The following SPAG16 variants were observed in gnomAD, a reference collection of about 807,000 sequenced individuals.
SPAG16 encodes the protein sperm associated antigen 16.
A neutral mutation model predicts 80.4 loss-of-function variants in SPAG16; 86 were observed. The observed-to-expected ratio is 1.07, with a 90% CI of 0.90 to 1.28. The LOEUF is 1.28. Ranked by LOEUF, SPAG16 falls within the 50% of genes most tolerant of loss-of-function variation. The pLI is 0.00. For missense variants in SPAG16, 870 were observed against 765.3 expected (o/e 1.14, Z -1.61); for synonymous variants, 294 against 265.9 (o/e 1.11, Z -1.03).
rs560709325 is a variant in SPAG16 at position 213,318,975 on chromosome 2, A to G, written c.536+1619A>G. On this transcript the variant is annotated intron_variant, in intron 5 of 15. Transcript: ENST00000331683. ...CTCCACACCTTTCTTTCTTTCTGCA[A>G]TTAATGGAAGACATGCAATTCCTGG... is the stretch of plus-strand genomic sequence containing the variant. 6.6e-5 allele frequency among the ~76,000 whole-genome samples: 10 copies of G among 152,066 alleles called. No homozygotes were observed. In the South Asian group the frequency reaches 2.1e-3, roughly 32 times the overall value.
chr2:213,650,391 A>T (rs2062977517), intron 10 of SPAG16, among the ~76,000 whole-genome samples: 2 of 152,206 alleles, frequency 1.3e-5, no homozygotes. Flanking sequence ...CTTAGTCTTC[A>T]TTCTAACGGT....
At chr2:213,786,253 GC>G (rs1443898681) in intron 10 of SPAG16, among the ~76,000 whole-genome samples, 1 of 152,110 alleles carries the variant, frequency 6.6e-6, no homozygotes, top group African/African-American at 2.4e-5. Context: ...GTAAAAGAAT[GC>G]TAAGAACTAT....
chr2:213,346,395 C>T (rs1026484770), intron 6 of SPAG16, among the ~76,000 whole-genome samples: 1 of 152,156 alleles, frequency 6.6e-6, no homozygotes, highest in African/African-American at 2.4e-5. Context: ...CCTGATTGCC[C>T]TGGCCAGAAC....
intron 15 of SPAG16, among the ~76,000 whole-genome samples, chr2:214,172,252 T>C (rs1286432311): frequency 6.6e-6 from 1 of 151,860 alleles, no homozygotes; most frequent in Non-Finnish European, 1.5e-5. Context: ...CCACTTCCCC[T>C]ACCCCACAAC....
chr2:213,449,331 C>A (rs529789997), intron 9 of SPAG16, among the ~76,000 whole-genome samples: 1 of 152,108 alleles, frequency 6.6e-6, no homozygotes, highest in Non-Finnish European at 1.5e-5. Flanking sequence ...CTGCTTTTTC[C>A]CTTTGTCCTG....
intron 10 of SPAG16, among the ~76,000 whole-genome samples, chr2:213,497,877 C>T (rs1278798596): frequency 6.6e-6 from 1 of 152,014 alleles, no homozygotes; most frequent in Non-Finnish European, 1.5e-5. Flanking sequence ...ACTGACAATA[C>T]ATTAAGAATA....
chr2:214,242,356 G>C (rs1376541535), intron 15 of SPAG16, among the ~76,000 whole-genome samples: 1 of 152,120 alleles, frequency 6.6e-6, no homozygotes, highest in Non-Finnish European at 1.5e-5. Flanking sequence ...AGATGGCCCA[G>C]TACAGTTTTT....
intron 15 of SPAG16, among the ~76,000 whole-genome samples, chr2:214,366,476 G>T (rs1454718390): frequency 2.0e-5 from 3 of 152,158 alleles, no homozygotes; most frequent in East Asian, 1.9e-4. Context: ...ACTCAACGCA[G>T]TGTAAAGTGA....
At chr2:213,557,029 A>C (rs1486068097) in intron 10 of SPAG16, among the ~76,000 whole-genome samples, 1 of 152,190 alleles carries the variant, frequency 6.6e-6, no homozygotes, top group Non-Finnish European at 1.5e-5. Flanking sequence ...AAGACTAAGC[A>C]TCATGCTTGG....
chr2:214,298,131 C>CCT (rs1553548659), intron 15 of SPAG16, among the ~76,000 whole-genome samples: 3 of 144,372 alleles, frequency 2.1e-5, no homozygotes, highest in African/African-American at 7.6e-5. Flanking sequence ...CACACACACA[C>CCT]ACATACACAT....
rs138725385 is a variant in SPAG16 at position 213,284,527 on chromosome 2, T to C, written c.44T>C (p.Leu15Pro). 41 of 1,596,250 alleles carry C rather than the reference T, an allele frequency of 2.6e-5. No individual in the cohort carries two copies. The highest frequency in any genetic ancestry group is 3.2e-5 in the Non-Finnish European group (38 of 1,171,854). ...ATGCCCAGCTCCGCCGTGAGGGTCC[T>C]GGAAGAGGCGTTGGGCATGGGTTTG... ...RGMPSSAVRVLEEALGMGLTA... is the reference protein window; with the variant it reads ...RGMPSSAVRVPEEALGMGLTA... The change falls in exon 1 of 16, where the codon CTG (leucine) becomes CCG (proline). Residue 15 changes from leucine (L) to proline (P), a missense_variant. Physicochemically the swap from Leu to Pro is moderately conservative, Grantham distance 98 (BLOSUM62 -3). Transcript: ENST00000331683.
At chr2:213,528,477 A>G (rs991459821) in intron 10 of SPAG16, among the ~76,000 whole-genome samples, 2 of 152,150 alleles carry the variant, frequency 1.3e-5, no homozygotes, top group African/African-American at 4.8e-5. Flanking sequence ...TGTGTGTTCT[A>G]TCTTTCATAC....
At chr2:213,618,382 T>G (rs1052757290) in intron 10 of SPAG16, among the ~76,000 whole-genome samples, 3 of 152,240 alleles carry the variant, frequency 2.0e-5, no homozygotes, top group African/African-American at 7.2e-5. Context: ...AGTCATTATC[T>G]GATTAATAAG....
At chr2:214,038,461 TTTAGTC>T (rs915651308) in intron 13 of SPAG16, among the ~76,000 whole-genome samples, 4 of 152,202 alleles carry the variant, frequency 2.6e-5, no homozygotes, top group African/African-American at 9.7e-5. Flanking sequence ...TTATCTTTGT[TTTAGTC>T]TTAGATTTAC....
At position 214,347,902 on chromosome 2, in the gene SPAG16, C is replaced by T. The variant is rs945239122; in HGVS notation, c.1721-62238C>T. ...ACTCTCCATGGAAAAATTAGGACTC[C>T]AAGGAAAGCATCAAGACCTCAGAGG... is the stretch of plus-strand genomic sequence containing the variant. On this transcript the variant is annotated intron_variant, in intron 15 of 15. Transcript: ENST00000331683. Among the ~76,000 whole-genome samples the T allele has an allele frequency of 3.3e-5, 5 of 152,212 alleles. No homozygotes were observed. The Middle Eastern group carries it at 0.01, about 311-fold the overall frequency.
At chr2:213,582,550 AG>A (rs1358621926) in intron 10 of SPAG16, among the ~76,000 whole-genome samples, 3 of 152,136 alleles carry the variant, frequency 2.0e-5, no homozygotes, top group African/African-American at 7.2e-5. Flanking sequence ...ATAGAAAATG[AG>A]GGACTTTAAA....
Position 213,426,962 on chromosome 2 carries a change from G to T in SPAG16, c.942+51843G>T, listed in dbSNP as rs527458592. Among the ~76,000 whole-genome samples the T allele has an allele frequency of 1.2e-4, 18 of 151,726 alleles. No individual in the cohort carries two copies. The South Asian group carries it at 3.3e-3, about 28-fold the overall frequency. On this transcript the variant is annotated intron_variant, in intron 9 of 15. Transcript: ENST00000331683. ...CCAAAGTTTTTTTCTTATGTGAATG[G>T]AGTTAACTATTAAATTTCAAATTAT...
At chr2:213,351,012 C>T (rs1240453603) in intron 7 of SPAG16, among the ~76,000 whole-genome samples, 1 of 151,344 alleles carries the variant, frequency 6.6e-6, no homozygotes, top group Admixed American at 6.6e-5. Context: ...TGTGGTGGCA[C>T]AGGCCTGTAA....
At chr2:214,361,903 A>G (rs764463849) in intron 15 of SPAG16, among the ~76,000 whole-genome samples, 13 of 151,838 alleles carry the variant, frequency 8.6e-5, no homozygotes, top group Admixed American at 3.9e-4. Flanking sequence ...AAATTGTTTT[A>G]TTGTTGATAT....
Sources: allele counts gnomAD v4.1 joint callset (sites outside exome capture counted in the v4.1 genomes callset), GRCh38; gene constraint gnomAD v4.1.1; transcripts MANE v1.5; gene names NCBI Gene and HGNC (gene_info 2026-07-23, HGNC 2026-07-21).